Variants in BLTP1 observed in about 807,000 individuals in gnomAD.
BLTP1 encodes the protein fragile site-associated protein.
chr4:122,229,998 C>T, the BLTP1 span: 1 of 1,614,022 alleles, frequency 6.2e-7, no homozygotes, highest in Non-Finnish European at 8.5e-7. Context: ...ATCAGTGCTG[C>T]AATTCAGGAT....
chr4:122,282,992 A>G, the BLTP1 span, among the ~76,000 whole-genome samples: 3 of 151,980 alleles, frequency 2.0e-5, no homozygotes, highest in African/African-American at 2.4e-5. Flanking sequence ...ATATGTTGTC[A>G]CCTAGTTGGA....
the BLTP1 span, chr4:122,239,821 G>C: frequency 1.2e-6 from 2 of 1,614,086 alleles, no homozygotes; most frequent in Middle Eastern, 1.6e-4. Context: ...CATCAGTATC[G>C]ATCAATGGAT....
the BLTP1 span, chr4:122,206,051 C>G: frequency 1.0e-6 from 1 of 982,300 alleles, no homozygotes; most frequent in Non-Finnish European, 1.2e-6. Context: ...CTTAAAGTAC[C>G]AAAGGGTAAA....
the BLTP1 span, among the ~76,000 whole-genome samples, chr4:122,327,378 A>T: frequency 6.6e-6 from 1 of 151,720 alleles, no homozygotes; most frequent in Non-Finnish European, 1.5e-5. Context: ...GTACACTTCA[A>T]ATGCTATTGT....
chr4:122,234,580 G>C, the BLTP1 span: 1 of 217,540 alleles, frequency 4.6e-6, no homozygotes, highest in Non-Finnish European at 7.8e-6. Context: ...ACTTGCTCTG[G>C]TAAGACTATA....
At chr4:122,353,831 A>G in the BLTP1 span, 2 of 1,610,438 alleles carry the variant, frequency 1.2e-6, no homozygotes, top group Non-Finnish European at 8.5e-7. The surrounding 1 kb of genome is among the most constrained non-coding windows in gnomAD (Gnocchi z 4.3). Flanking sequence ...TGATCATTCT[A>G]CATATATTGT....
At chr4:122,229,095 A>G in the BLTP1 span, 20 of 1,552,650 alleles carry the variant, frequency 1.3e-5, no homozygotes, top group Non-Finnish European at 1.7e-5. Flanking sequence ...GTGATGATTT[A>G]GATGTACAAT....
chr4:122,250,534 T>C, the BLTP1 span: 1 of 1,613,758 alleles, frequency 6.2e-7, no homozygotes, highest in South Asian at 1.1e-5. Context: ...GGACAAGCCC[T>C]TCCTCAGACT....
the BLTP1 span, among the ~76,000 whole-genome samples, chr4:122,176,570 A>G: frequency 6.6e-6 from 1 of 152,204 alleles, no homozygotes; most frequent in Non-Finnish European, 1.5e-5. Context: ...AATCAGCAAC[A>G]TTCACTTTCA....
At chr4:122,161,144 C>G in the BLTP1 span, 2 of 983,900 alleles carry the variant, frequency 2.0e-6, no homozygotes, top group East Asian at 2.3e-4. Flanking sequence ...TTTTCCAGCC[C>G]TTAAAGAACT....
chr4:122,237,955 C>T, the BLTP1 span: 1 of 888,626 alleles, frequency 1.1e-6, no homozygotes, highest in Non-Finnish European at 1.6e-6. Flanking sequence ...TGTATTCCAG[C>T]CTGGTGACAG....
the BLTP1 span, among the ~76,000 whole-genome samples, chr4:122,355,303 A>G: frequency 1.7e-4 from 26 of 152,098 alleles, no homozygotes; most frequent in Non-Finnish European, 3.7e-4. Context: ...TATGTTGGGG[A>G]AAATCAGTAC....
chr4:122,310,857 T>C, the BLTP1 span: 1 of 597,110 alleles, frequency 1.7e-6, no homozygotes, highest in Non-Finnish European at 2.1e-6. Context: ...TTATTTGAAA[T>C]ACTTCAGGTT....
At chr4:122,302,186 CTAAATTT>C in the BLTP1 span, 1 of 706,252 alleles carries the variant, frequency 1.4e-6, no homozygotes, top group African/African-American at 1.9e-5. Context: ...CCATTGAATA[CTAAATTT>C]TAAATATAAA....
chr4:122,343,497 G>A, the BLTP1 span: 1 of 1,614,012 alleles, frequency 6.2e-7, no homozygotes, highest in Non-Finnish European at 8.5e-7. Context: ...AGTTCATCTG[G>A]CTTGAGCTTC....
the BLTP1 span, chr4:122,251,104 C>T: frequency 1.7e-5 from 17 of 985,132 alleles, no homozygotes; most frequent in East Asian, 2.3e-4. Flanking sequence ...GAAGAAATGT[C>T]GTGCCACTAA....
the BLTP1 span, chr4:122,264,085 T>C: frequency 1.3e-5 from 12 of 920,642 alleles, no homozygotes; most frequent in African/African-American, 2.0e-4. Context: ...TAATAAATCA[T>C]GTCTGTAAAA....
chr4:122,355,354 AT>A, the BLTP1 span, among the ~76,000 whole-genome samples: 1 of 152,008 alleles, frequency 6.6e-6, no homozygotes, highest in African/African-American at 2.4e-5. Context: ...TTAATCTCAA[AT>A]TCTTTAAGAG....
At chr4:122,314,165 T>C in the BLTP1 span, 1 of 983,834 alleles carries the variant, frequency 1.0e-6, no homozygotes, top group East Asian at 1.1e-4. Flanking sequence ...AAATCTTTCT[T>C]AAGCAAAAAC....
Sources: allele counts gnomAD v4.1 joint callset (sites outside exome capture counted in the v4.1 genomes callset), GRCh38; gene constraint gnomAD v4.1.1; non-coding constraint Gnocchi (gnomAD v3.1); transcripts MANE v1.5; gene names NCBI Gene and HGNC (gene_info 2026-07-23, HGNC 2026-07-21).